The following GRIP1 variants were observed in gnomAD, a reference collection of about 807,000 sequenced individuals.
The protein encoded by GRIP1 is glutamate receptor interacting protein 1.
In GRIP1, 45 loss-of-function variants were observed where a neutral mutation model predicts 129.9. The observed-to-expected ratio is 0.35, with a 90% CI of 0.27 to 0.44. The LOEUF (loss-of-function observed/expected upper bound fraction) is 0.44, where lower values mean the gene tolerates loss of function less well. Ranked by LOEUF, GRIP1 falls within the 20% of genes least tolerant of loss-of-function variation. The probability of loss-of-function intolerance (pLI) is 1.00; values close to 1 mark genes in which losing one functional copy is unlikely to be tolerated. For missense variants in GRIP1, 1,196 were observed against 1,396.8 expected (o/e 0.86, Z 2.29); for synonymous variants, 530 against 520.8 (o/e 1.02, Z -0.24).
At chr12:66,894,248 G>A (rs574935522) in intron 1 of GRIP1, among the ~76,000 whole-genome samples, 3 of 152,058 alleles carry the variant, frequency 2.0e-5, no homozygotes, top group Admixed American at 1.3e-4. Context: ...GAGAGTACAC[G>A]CACTCCCACA....
chr12:66,860,654 C>T (rs1054279079), intron 1 of GRIP1, among the ~76,000 whole-genome samples: 1 of 152,008 alleles, frequency 6.6e-6, no homozygotes, highest in Admixed American at 6.6e-5. Context: ...GCAGATTAGG[C>T]TCTCAACACC....
intron 14 of GRIP1, among the ~76,000 whole-genome samples, chr12:66,427,290 A>G (rs1258360024): frequency 6.6e-6 from 1 of 152,028 alleles, no homozygotes; most frequent in African/African-American, 2.4e-5. Context: ...GAAAAATCTT[A>G]TATTGTCATT....
chr12:66,845,236 C>A (rs1173007401), intron 1 of GRIP1, among the ~76,000 whole-genome samples: 1 of 146,740 alleles, frequency 6.8e-6, no homozygotes, highest in Non-Finnish European at 1.5e-5. Context: ...GCGGGTGGAC[C>A]ACTTGAGGTC....
upstream of GRIP1, among the ~76,000 whole-genome samples, chr12:66,806,649 T>C (rs894195949): frequency 6.6e-6 from 1 of 152,134 alleles, no homozygotes; most frequent in African/African-American, 2.4e-5. Flanking sequence ...CACTAGAGTT[T>C]GATTTTTTAA....
chr12:66,775,275 T>C (rs772761628), intron 1 of GRIP1, among the ~76,000 whole-genome samples: 2 of 152,106 alleles, frequency 1.3e-5, no homozygotes, highest in Non-Finnish European at 2.9e-5. Context: ...TTGGGACAAT[T>C]AAGAATTTCT....
intron 1 of GRIP1, among the ~76,000 whole-genome samples, chr12:66,695,856 C>CA (rs1206895075): frequency 1.3e-5 from 2 of 151,962 alleles, no homozygotes; most frequent in African/African-American, 4.8e-5. Context: ...AGGGAGAAAA[C>CA]AAATTAGTGA....
chr12:66,944,804 G>GT (rs200115288), intron 1 of GRIP1, among the ~76,000 whole-genome samples: 4,831 of 152,112 alleles, frequency 0.032, 107 homozygotes, highest in Non-Finnish European at 0.048. Flanking sequence ...GTTTTGTTTT[G>GT]TTTTTTGAGA....
intron 1 of GRIP1, among the ~76,000 whole-genome samples, chr12:66,629,702 G>C (rs1283766922): frequency 6.6e-6 from 1 of 152,148 alleles, no homozygotes; most frequent in Non-Finnish European, 1.5e-5. Flanking sequence ...AACCACACTG[G>C]ACCTACTTTC....
intron 1 of GRIP1, among the ~76,000 whole-genome samples, chr12:66,732,261 C>T (rs1446923937): frequency 6.6e-6 from 1 of 152,124 alleles, no homozygotes; most frequent in Non-Finnish European, 1.5e-5. Flanking sequence ...AGCATAAAGA[C>T]CTTTCTAGGC....
chr12:66,349,635 C>A (rs1046094279), intron 24 of GRIP1, among the ~76,000 whole-genome samples: 2 of 152,214 alleles, frequency 1.3e-5, no homozygotes, highest in African/African-American at 2.4e-5. Context: ...CCCAGGCCAA[C>A]TGGCTGATCT....
At chr12:66,893,590 T>C (rs1401777811) in intron 1 of GRIP1, among the ~76,000 whole-genome samples, 2 of 152,208 alleles carry the variant, frequency 1.3e-5, no homozygotes, top group African/African-American at 4.8e-5. Flanking sequence ...AGTTTGTTTT[T>C]CCATTTACCC....
intron 24 of GRIP1, among the ~76,000 whole-genome samples, chr12:66,351,559 T>TC (rs1443919095): frequency 4.0e-5 from 2 of 49,960 alleles, no homozygotes; most frequent in Non-Finnish European, 9.4e-5. Flanking sequence ...GAAGGTGGTT[T>TC]TTTTTTTTTT....
At chr12:66,519,369 G>A (rs750544914) in intron 5 of GRIP1, among the ~76,000 whole-genome samples, 2 of 152,118 alleles carry the variant, frequency 1.3e-5, no homozygotes, top group Non-Finnish European at 2.9e-5. Flanking sequence ...TACCACAAAT[G>A]CTTGCCCATA....
chr12:66,515,576 C>T (rs777219425), intron 7 of GRIP1, 43 bp downstream of exon 7: 59 of 1,567,720 alleles, frequency 3.8e-5, no homozygotes, highest in South Asian at 1.1e-4. Flanking sequence ...CAGACAGTGA[C>T]GTTCTGGTGC....
chr12:67,064,998 C>T (rs1031686547), intron 1 of GRIP1: 1 of 146,082 alleles, frequency 6.8e-6, no homozygotes, highest in East Asian at 2.0e-4. Context: ...TGAGAATATG[C>T]GGTGTTTGGT....
chr12:66,528,145 T>TTTGTTTG (rs2061325257), intron 5 of GRIP1, among the ~76,000 whole-genome samples: 30 of 142,748 alleles, frequency 2.1e-4, no homozygotes, highest in African/African-American at 6.9e-4. Context: ...TTTTTTTTTT[T>TTTGTTTG]TTTTTTTGAG....
At chr12:66,498,756 T>C (rs1827005882) in intron 7 of GRIP1, among the ~76,000 whole-genome samples, 1 of 152,198 alleles carries the variant, frequency 6.6e-6, no homozygotes, top group African/African-American at 2.4e-5. Flanking sequence ...TTACCCTCTT[T>C]TCCTACGTCA....
At chr12:66,730,574 CT>C (rs2036400829) in intron 1 of GRIP1, among the ~76,000 whole-genome samples, 1 of 151,818 alleles carries the variant, frequency 6.6e-6, no homozygotes, top group African/African-American at 2.4e-5. Context: ...AATATACATC[CT>C]TTTCTTAAAG....
chr12:66,434,105 AG>A (rs1942718321), intron 13 of GRIP1, among the ~76,000 whole-genome samples: 1 of 152,212 alleles, frequency 6.6e-6, no homozygotes, highest in Non-Finnish European at 1.5e-5. Flanking sequence ...TCACAAGACC[AG>A]AATCTGATTT....
Sources: gnomAD v4.1 joint callset for allele counts (sites outside exome capture counted in the v4.1 genomes callset) on GRCh38, gnomAD v4.1.1 for gene constraint, MANE v1.5 for transcripts, NCBI Gene and HGNC (gene_info 2026-07-23, HGNC 2026-07-21) for gene names.